Variants in SLC44A3 observed in about 807,000 individuals in gnomAD.
SLC44A3 encodes the protein solute carrier family 44 member 3.
In SLC44A3, 74 loss-of-function variants were observed where a neutral mutation model predicts 75.4. The observed-to-expected ratio is 0.98, with a 90% CI of 0.81 to 1.19. SLC44A3 has a LOEUF of 1.19. Ranked by LOEUF, SLC44A3 falls within the 50% of genes most tolerant of loss-of-function variation. The pLI is 0.00. For synonymous variants in SLC44A3, 310 were observed against 296.9 expected (o/e 1.04, Z -0.45); for missense variants, 700 against 778.6 (o/e 0.90, Z 1.20).
intron 10 of SLC44A3, 80 bp downstream of exon 10, chr1:94,857,580 T>A: frequency 7.2e-7 from 1 of 1,382,614 alleles, no homozygotes; most frequent in Non-Finnish European, 9.7e-7. Flanking sequence ...AAAAGATATT[T>A]GGGAATGTTG....
chr1:94,893,484 G>A (rs1053926192), intron 14 of SLC44A3, among the ~76,000 whole-genome samples: 2 of 152,048 alleles, frequency 1.3e-5, no homozygotes, highest in East Asian at 2.0e-4. Context: ...AGGTTCAAGC[G>A]ATTCTCCTGC....
chr1:94,841,322 A>T (rs1343443455), intron 7 of SLC44A3, among the ~76,000 whole-genome samples: 5 of 152,122 alleles, frequency 3.3e-5, no homozygotes, highest in Non-Finnish European at 7.4e-5. Context: ...AACTGATGTG[A>T]TTGTCATGTT....
At chr1:94,856,288 G>A (rs1442469832) in intron 9 of SLC44A3, among the ~76,000 whole-genome samples, 1 of 152,124 alleles carries the variant, frequency 6.6e-6, no homozygotes, top group Non-Finnish European at 1.5e-5. Flanking sequence ...CCAGGAAATA[G>A]GTATTCTAGA....
intron 2 of SLC44A3, among the ~76,000 whole-genome samples, chr1:94,824,134 A>T (rs1274869758): frequency 6.6e-6 from 1 of 152,226 alleles, no homozygotes; most frequent in African/African-American, 2.4e-5. Flanking sequence ...ATAGCCCTGA[A>T]GCAGTTAAAT....
chr1:94,827,863 C>T (rs559964708), intron 4 of SLC44A3, among the ~76,000 whole-genome samples: 8 of 152,180 alleles, frequency 5.3e-5, no homozygotes, highest in South Asian at 2.1e-4. Flanking sequence ...CTAGCTATTC[C>T]GTGTATGCTC....
chr1:94,883,416 T>C (rs1435031541), intron 12 of SLC44A3, among the ~76,000 whole-genome samples: 1 of 152,052 alleles, frequency 6.6e-6, no homozygotes, highest in Non-Finnish European at 1.5e-5. Flanking sequence ...AGTGGGAGAA[T>C]CACCTGAGCC....
At chr1:94,821,438 G>C (rs1329524233) in intron 2 of SLC44A3, among the ~76,000 whole-genome samples, 3 of 152,176 alleles carry the variant, frequency 2.0e-5, no homozygotes, top group Non-Finnish European at 2.9e-5. Flanking sequence ...GGAAAAGCCA[G>C]GGTAAGCCTA....
chr1:94,834,845 GC>G, intron 5 of SLC44A3, among the ~76,000 whole-genome samples: 1 of 152,288 alleles, frequency 6.6e-6, no homozygotes, highest in Admixed American at 6.5e-5. Context: ...TTGAGAGTGG[GC>G]TAGGCTTAGT....
intron 11 of SLC44A3, among the ~76,000 whole-genome samples, chr1:94,865,122 C>T (rs960722606): frequency 6.6e-6 from 1 of 152,104 alleles, no homozygotes; most frequent in Non-Finnish European, 1.5e-5. Context: ...GGGTTTTCTC[C>T]AACTCGGTGG....
intron 10 of SLC44A3, among the ~76,000 whole-genome samples, chr1:94,859,558 T>C (rs896393966): frequency 1.3e-5 from 2 of 152,112 alleles, no homozygotes; most frequent in Non-Finnish European, 2.9e-5. Context: ...GGAATTCAAG[T>C]ATAAAAAGTA....
Position 94,857,923 on chromosome 1 carries a change from T to C in SLC44A3, c.1238+423T>C, listed in dbSNP as rs150566687. On this transcript the variant is annotated intron_variant, in intron 10 of 14. Transcript: ENST00000271227. ...CCGCCTCCTGGGTTCGAGCGATTCT[T>C]CTGCCTCAGCCTCCCAAGTAGCTGG... Among the ~76,000 whole-genome samples, 1,219 of 151,082 alleles carry C rather than the reference T, an allele frequency of 8.1e-3. 15 individuals are homozygous for C. Among genetic ancestry groups the C allele is most frequent in the African/African-American group, 0.028 (1,138 of 41,212 alleles).
intron 12 of SLC44A3, among the ~76,000 whole-genome samples, chr1:94,886,706 C>T (rs193136377): frequency 3.9e-5 from 6 of 152,232 alleles, no homozygotes; most frequent in Non-Finnish European, 7.4e-5. Context: ...CCACACAGGG[C>T]GTCCTCATTG....
Position 94,820,430 on chromosome 1 carries a change from G to T in SLC44A3, c.-22G>T. ...GAGGCGGCGGCGGCTCCCAGTCACC[G>T]GCCCCCGCCGGCGAGCGCACGATGC... On this transcript the variant is annotated 5_prime_UTR_variant, in exon 1 of 15. Coordinates refer to ENST00000271227, the MANE Select transcript of SLC44A3 (RefSeq NM_001114106.3). 6.9e-7 allele frequency: 1 copy of T among 1,448,786 alleles called. No homozygotes were observed. Among genetic ancestry groups the T allele is most frequent in the Non-Finnish European group, 9.1e-7 (1 of 1,103,490 alleles). The allele number at this position is 1,448,786 out of a possible 1,614,324, so 89.7% of individuals were successfully genotyped here.
intron 10 of SLC44A3, among the ~76,000 whole-genome samples, chr1:94,862,578 C>T (rs1666703563): frequency 6.6e-6 from 1 of 152,182 alleles, no homozygotes; most frequent in Admixed American, 6.5e-5. Context: ...GAGCCAGGCA[C>T]CATTAGCACT....
intron 9 of SLC44A3, among the ~76,000 whole-genome samples, chr1:94,850,027 C>T (rs925051969): frequency 6.6e-5 from 10 of 152,020 alleles, no homozygotes; most frequent in Admixed American, 2.6e-4. Flanking sequence ...GGATTATAGG[C>T]GTGAGCCACC....
intron 12 of SLC44A3, chr1:94,888,826 T>A (rs1425225293): frequency 4.3e-6 from 2 of 460,128 alleles, no homozygotes; most frequent in Admixed American, 1.3e-4. Context: ...GCTTCCCGGG[T>A]TCAAGCGTTT....
intron 12 of SLC44A3, among the ~76,000 whole-genome samples, chr1:94,879,115 A>C (rs1464578889): frequency 6.6e-6 from 1 of 152,112 alleles, no homozygotes; most frequent in Non-Finnish European, 1.5e-5. Flanking sequence ...AAGAAAATAG[A>C]GTGAAAATCA....
Position 94,837,774 on chromosome 1 carries a change from A to G in SLC44A3, c.573A>G (p.Ala191=), listed in dbSNP as rs201473089. Residue 191 remains alanine (A), a synonymous_variant, in exon 6 of 15, where the codon GCA becomes GCG. Coordinates refer to ENST00000271227, the MANE Select transcript of SLC44A3 (RefSeq NM_001114106.3). Reference sequence around the variant, plus strand: ...CACCTGAGTGCTACTCCCTATTTGCATCTGTTTTGATAAATGATGTTGACA... The same window carrying G: ...CACCTGAGTGCTACTCCCTATTTGCGTCTGTTTTGATAAATGATGTTGACA... ...PQTPECYSLF[A]SVLINDVDTL... The G allele has an allele frequency of 1.9e-6, 3 of 1,611,950 alleles. No homozygotes were observed. Among genetic ancestry groups the G allele is most frequent in the Non-Finnish European group, 2.5e-6 (3 of 1,179,334 alleles).
chr1:94,867,457 T>C, intron 12 of SLC44A3, 40 bp downstream of exon 12: 2 of 1,516,146 alleles, frequency 1.3e-6, no homozygotes, highest in Non-Finnish European at 1.8e-6. Context: ...CACAGAAGGG[T>C]CCAAAGGTGG....
Sources: gnomAD v4.1 joint callset for allele counts (sites outside exome capture counted in the v4.1 genomes callset) on GRCh38, gnomAD v4.1.1 for gene constraint, MANE v1.5 for transcripts, NCBI Gene and HGNC (gene_info 2026-07-23, HGNC 2026-07-21) for gene names.